NFATC1: variants seen among roughly 807,000 people sequenced by gnomAD.
NFATC1 encodes the protein nuclear factor of activated T-cells, cytoplasmic 1.
In NFATC1, 22 loss-of-function variants were observed where a neutral mutation model predicts 76.0. The observed-to-expected ratio is 0.29, with a 90% CI of 0.21 to 0.41. The LOEUF is 0.41. NFATC1 is among the 10% of genes least tolerant of loss of function. The pLI is 1.00. For synonymous variants in NFATC1, 704 were observed against 613.1 expected (o/e 1.15, Z -2.19); for missense variants, 1,357 against 1,337.7 (o/e 1.01, Z -0.23).
In NFATC1 at chr18:79,410,302, G is replaced by C; in HGVS notation, c.128-101G>C. The C allele has an allele frequency of 1.3e-6, 2 of 1,513,032 alleles. No individual in the cohort carries two copies. Among genetic ancestry groups the C allele is most frequent in the Non-Finnish European group, 1.8e-6 (2 of 1,134,992 alleles). The allele number at this position is 1,513,032 out of a possible 1,614,324, so 93.7% of individuals were successfully genotyped here. On this transcript the variant is annotated intron_variant, in intron 1 of 9. Transcript: ENST00000427363. This position sits in a 1 kb window ranked among gnomAD's most constrained non-coding sequence, Gnocchi z 6.7. ...TGCTGAGGCCCGCTCCTTGGGGTCC[G>C]TTGGTCGAGGCCGGGGGTTGCTGGC...
At chr18:79,463,256 C>A (rs2088219813) in intron 7 of NFATC1, among the ~76,000 whole-genome samples, 1 of 152,220 alleles carries the variant, frequency 6.6e-6, no homozygotes, top group Non-Finnish European at 1.5e-5. Flanking sequence ...CTTGCCTTCA[C>A]CTGAGAAGCC....
At chr18:79,436,245 G>A (rs886780842) in intron 3 of NFATC1, among the ~76,000 whole-genome samples, 4 of 152,226 alleles carry the variant, frequency 2.6e-5, no homozygotes. Flanking sequence ...CTGGGGGCGC[G>A]AGGACGAGGC....
chr18:79,410,736 C>T lies in NFATC1; in HGVS notation c.461C>T (p.Thr154Met), dbSNP rs752605795. The change falls in exon 2 of 10, where the codon ACG becomes ATG. Residue 154 changes from threonine to methionine, a missense_variant. Physicochemically the swap from Thr to Met is moderately conservative, Grantham distance 81. This residue lies in a region of NFATC1 where 691 missense variants were observed against 613.1 expected (regional missense o/e 1.13). Coordinates refer to ENST00000427363, the MANE Select transcript of NFATC1 (RefSeq NM_001278669.2). The surrounding 1 kb of genome is among the most constrained non-coding windows in gnomAD (Gnocchi z 6.7). ...VLPSSKRSPS[T>M]ATLSLPSLEA... ...CCTAGCTCCAAACGGTCCCCCTCCA[C>T]GGCCACGCTGAGTCTGCCCAGCCTG... is the stretch of plus-strand genomic sequence containing the variant. 4.3e-6 allele frequency: 7 copies of T among 1,613,064 alleles called. No individual in the cohort carries two copies. The highest frequency in any genetic ancestry group is 1.7e-5 in the Admixed American group (1 of 60,030).
At chr18:79,487,836 C>T (rs1190467197) in intron 9 of NFATC1, among the ~76,000 whole-genome samples, 3 of 152,186 alleles carry the variant, frequency 2.0e-5, no homozygotes, top group Non-Finnish European at 2.9e-5. Context: ...GGGGCGTGCC[C>T]GCGGCCCTGG....
chr18:79,400,616 G>A, intron 1 of NFATC1: 1 of 764,342 alleles, frequency 1.3e-6, no homozygotes. Flanking sequence ...GGCTACGGCG[G>A]GGGACGCTGC....
chr18:79,491,392 C>T (rs1038751042), intron 9 of NFATC1, among the ~76,000 whole-genome samples: 33 of 152,264 alleles, frequency 2.2e-4, no homozygotes, highest in Non-Finnish European at 3.4e-4. Flanking sequence ...GTGTCCTCAG[C>T]GGGTGGAAAG....
chr18:79,418,629 C>T (rs1288897245), intron 2 of NFATC1, among the ~76,000 whole-genome samples: 1 of 152,232 alleles, frequency 6.6e-6, no homozygotes, highest in Non-Finnish European at 1.5e-5. Flanking sequence ...CTGCCAGCCT[C>T]CGCTGGTGAG....
At chr18:79,499,688 G>A (rs887254582) in intron 9 of NFATC1, among the ~76,000 whole-genome samples, 19 of 152,158 alleles carry the variant, frequency 1.2e-4, no homozygotes, top group African/African-American at 4.6e-4. Flanking sequence ...AAATGATAAA[G>A]AGATACTGTG....
Position 79,424,640 on chromosome 18 carries a change from T to TGTCTCTCTTTCCGTCTCTGTCTCTCC in NFATC1, c.1227-8938_1227-8913dup, listed in dbSNP as rs1600668725. 3.3e-5 allele frequency among the ~76,000 whole-genome samples: 5 copies of TGTCTCTCTTTCCGTCTCTGTCTCTCC among 152,000 alleles called. No individual in the cohort carries two copies. The East Asian group carries it at 9.7e-4, about 29-fold the overall frequency. ...CTCTCTGTCTCTCCGTCTGTCTCTC[T>TGTCTCTCTTTCCGTCTCTGTCTCTCC]GTCTCTCTTTCCGTCTCTGTCTCTC... On this transcript the variant is annotated intron_variant, in intron 2 of 9. Coordinates refer to ENST00000427363, the MANE Select transcript of NFATC1 (RefSeq NM_001278669.2).
At chr18:79,452,912 T>C (rs571632908) in intron 6 of NFATC1, among the ~76,000 whole-genome samples, 6 of 152,322 alleles carry the variant, frequency 3.9e-5, no homozygotes, top group Admixed American at 3.9e-4. Context: ...CGCGGAGGCA[T>C]TCAGCCTTGA....
rs1475600141 is a variant in NFATC1 at position 79,524,155 on chromosome 18, G to A, written c.2783-3373G>A. 4 of 152,102 alleles carry A rather than the reference G, an allele frequency of 2.6e-5. No individual in the cohort carries two copies. Among genetic ancestry groups the A allele is most frequent in the African/African-American group, 9.7e-5 (4 of 41,400 alleles). The allele number at this position is 152,102 out of a possible 1,614,324, so 9.4% of individuals were successfully genotyped here. On this transcript the variant is annotated intron_variant, in intron 9 of 9. Transcript: ENST00000427363. The surrounding 1 kb of genome is among the most constrained non-coding windows in gnomAD (Gnocchi z 7.2). The stretch of plus-strand genomic sequence containing the variant: ...CTCATGGGTCAGAAGTGCTCGTGGC[G>A]GGAAGGAGTTGGGGGGTGGGGGGGC...
intron 2 of NFATC1, among the ~76,000 whole-genome samples, chr18:79,420,161 G>T (rs1424737281): frequency 1.3e-5 from 2 of 152,018 alleles, no homozygotes; most frequent in African/African-American, 2.4e-5. Context: ...AGGCGAGGTT[G>T]CTGCAGAGGG....
At chr18:79,398,893 C>G (rs1334224930) in intron 1 of NFATC1, among the ~76,000 whole-genome samples, 1 of 152,204 alleles carries the variant, frequency 6.6e-6, no homozygotes, top group Non-Finnish European at 1.5e-5. Flanking sequence ...ATGGTGAAAC[C>G]CCGTCTCTAC....
chr18:79,400,427 G>A, intron 1 of NFATC1: 1 of 1,495,704 alleles, frequency 6.7e-7, no homozygotes, highest in Admixed American at 2.3e-5. Context: ...TCGACTTCGA[G>A]TTCCTCTTCG....
intron 9 of NFATC1, among the ~76,000 whole-genome samples, chr18:79,517,074 G>A (rs964687521): frequency 3.3e-5 from 5 of 152,190 alleles, no homozygotes; most frequent in Non-Finnish European, 5.9e-5. Context: ...ATCAAATGGC[G>A]TTCTTACTCC....
At chr18:79,457,919 C>T (rs1174752729) in intron 6 of NFATC1, among the ~76,000 whole-genome samples, 2 of 152,156 alleles carry the variant, frequency 1.3e-5, no homozygotes, top group Non-Finnish European at 2.9e-5. Context: ...TGGCACAGGT[C>T]GGGACGTGGG....
intron 9 of NFATC1, among the ~76,000 whole-genome samples, chr18:79,509,854 C>G (rs1381476520): frequency 6.6e-6 from 1 of 152,216 alleles, no homozygotes; most frequent in Non-Finnish European, 1.5e-5. Context: ...GCTGACCTCA[C>G]CTCGGTGTTT....
chr18:79,526,846 A>T (rs1005249132), intron 9 of NFATC1, among the ~76,000 whole-genome samples: 5 of 152,198 alleles, frequency 3.3e-5, no homozygotes, highest in African/African-American at 9.6e-5. Context: ...GCTCCAGCCC[A>T]TGGCAGAGGG....
intron 1 of NFATC1, among the ~76,000 whole-genome samples, chr18:79,405,575 G>A (rs749481423): frequency 1.4e-4 from 22 of 152,250 alleles, no homozygotes; most frequent in Non-Finnish European, 2.6e-4. Context: ...CCCGGCGTGT[G>A]GGGCTTGGCC....
Sources: allele counts gnomAD v4.1 joint callset (sites outside exome capture counted in the v4.1 genomes callset), GRCh38; gene constraint gnomAD v4.1.1; regional missense constraint gnomAD v4.1.1; non-coding constraint Gnocchi (gnomAD v3.1); transcripts MANE v1.5; gene names NCBI Gene and HGNC (gene_info 2026-07-23, HGNC 2026-07-21).